PTPN9: variants seen among roughly 807,000 people sequenced by gnomAD.
PTPN9 encodes tyrosine-protein phosphatase non-receptor type 9.
A neutral mutation model predicts 69.8 loss-of-function variants in PTPN9; 26 were observed. The ratio of observed to expected loss-of-function variants is 0.37; its 90% CI spans 0.27 to 0.52. PTPN9 has a LOEUF of 0.52. PTPN9 is among the 20% of genes least tolerant of loss of function. PTPN9 has a pLI of 0.91. For missense variants in PTPN9, 549 were observed against 740.3 expected, an observed-to-expected ratio of 0.74 and a Z score of 3.00; for synonymous variants, 274 against 272.5, an observed-to-expected ratio of 1.01 and a Z score of -0.05.
At chr15:75,514,100 CAAAA>C (rs71140167) in intron 5 of PTPN9, among the ~76,000 whole-genome samples, 3 of 114,920 alleles carry the variant, frequency 2.6e-5, no homozygotes, top group Admixed American at 1.0e-4. Flanking sequence ...CACTCTGTCT[CAAAA>C]AAAAAAAAAA....
chr15:75,561,942 A>G (rs189100555), intron 1 of PTPN9, among the ~76,000 whole-genome samples: 34 of 152,244 alleles, frequency 2.2e-4, no homozygotes, highest in Non-Finnish European at 3.8e-4. Context: ...TCCCAACCTC[A>G]GGTAATCCAC....
Position 75,490,220 on chromosome 15 carries a change from A to G in PTPN9, c.1050T>C (p.Ser350=). The G allele has an allele frequency of 6.2e-7, 1 of 1,610,558 alleles. No homozygotes were observed. Among genetic ancestry groups the G allele is most frequent in the East Asian group, 2.2e-5 (1 of 44,858 alleles). Reference sequence around the variant, plus strand: ...TTTATCTGTCTACCTGAGTATGGCCACTTCGCTTTGTTAGCTTCACTCTAG... The same window carrying G: ...TTTATCTGTCTACCTGAGTATGGCCGCTTCGCTTTGTTAGCTTCACTCTAG... ...DQTRVKLTKR[S]GHTQTDYINA... The change falls in exon 8 of 13, where the codon AGT becomes AGC. Residue 350 remains serine, a synonymous_variant. Transcript: ENST00000618819.
intron 1 of PTPN9, among the ~76,000 whole-genome samples, chr15:75,570,568 G>A (rs576537166): frequency 2.0e-5 from 3 of 152,146 alleles, no homozygotes; most frequent in Admixed American, 6.6e-5. Flanking sequence ...TTAGGAGTTC[G>A]TGACCAGCCT....
chr15:75,489,036 G>A (rs1013262049), intron 8 of PTPN9, among the ~76,000 whole-genome samples: 19 of 151,818 alleles, frequency 1.3e-4, no homozygotes, highest in African/African-American at 1.9e-4. Flanking sequence ...TTAGCCGGGC[G>A]TGGTGGTGGG....
At chr15:75,505,258 A>G (rs1459049597) in intron 7 of PTPN9, among the ~76,000 whole-genome samples, 1 of 149,196 alleles carries the variant, frequency 6.7e-6, no homozygotes, top group Non-Finnish European at 1.5e-5. Flanking sequence ...GCTTGAAGGC[A>G]GCATGCTCGT....
intron 1 of PTPN9, among the ~76,000 whole-genome samples, chr15:75,531,707 C>T (rs541005827): frequency 1.1e-4 from 16 of 152,048 alleles, no homozygotes; most frequent in Admixed American, 3.3e-4. Flanking sequence ...TTCAGGCTCC[C>T]GCCACCACAC....
At chr15:75,517,052 C>A (rs2074874154) in intron 5 of PTPN9, among the ~76,000 whole-genome samples, 1 of 152,110 alleles carries the variant, frequency 6.6e-6, no homozygotes, top group Non-Finnish European at 1.5e-5. Flanking sequence ...CGTTCCTGTG[C>A]ATTTTTTACC....
At chr15:75,531,064 T>C (rs1456856262) in intron 1 of PTPN9, among the ~76,000 whole-genome samples, 2 of 149,806 alleles carry the variant, frequency 1.3e-5, no homozygotes, top group Admixed American at 6.9e-5. Flanking sequence ...ACACACTATT[T>C]AAACAACTGG....
Position 75,548,704 on chromosome 15 carries a change from A to G in PTPN9, c.64-21443T>C, listed in dbSNP as rs1238541387. ...AGTCTTGCTCTGTCACCCAGGCTGG[A>G]GTGCAGGGGCGCGATCTTGGCTCAC... On this transcript the variant is annotated intron_variant, in intron 1 of 12. Transcript: ENST00000618819. 4.1e-4 allele frequency among the ~76,000 whole-genome samples: 56 copies of G among 136,568 alleles called. 1 individual carries two copies. Among genetic ancestry groups the G allele is most frequent in the African/African-American group, 1.5e-3 (54 of 34,960 alleles). The allele number at this position is 136,568 out of a possible 152,430, so 89.6% of individuals were successfully genotyped here. A position where few individuals can be genotyped will look rare whatever the true frequency, so the allele number is the denominator to read the frequency against.
intron 7 of PTPN9, among the ~76,000 whole-genome samples, chr15:75,504,864 C>T (rs1263626828): frequency 2.0e-5 from 3 of 150,512 alleles, no homozygotes; most frequent in African/African-American, 4.9e-5. Flanking sequence ...GTCTGGCCAG[C>T]CACCCCGTCC....
At chr15:75,578,599 G>A in intron 1 of PTPN9, 115 bp downstream of exon 1, 1 of 891,722 alleles carries the variant, frequency 1.1e-6, no homozygotes, top group Non-Finnish European at 1.5e-6. Context: ...AGCCGGGCAC[G>A]GGAGCGGGGG....
Position 75,469,786 on chromosome 15 carries a change from C to T in PTPN9, c.1567+6G>A, listed in dbSNP as rs1372253065. 18 of 1,612,184 alleles carry T rather than the reference C, an allele frequency of 1.1e-5. No homozygotes were observed. The highest frequency in any genetic ancestry group is 6.7e-5 in the East Asian group (3 of 44,886). On this transcript the variant is annotated splice_donor_region_variant and intron_variant, in intron 12 of 12. Coordinates refer to ENST00000618819, the MANE Select transcript of PTPN9 (RefSeq NM_002833.4). ...CAGACACCAAGAGCTGCATTAGGTG[C>T]GTTACCTGTCCTGCCAATGCCTGCA... is the stretch of plus-strand genomic sequence containing the variant.
At chr15:75,505,033 G>A in intron 7 of PTPN9, among the ~76,000 whole-genome samples, 1 of 152,224 alleles carries the variant, frequency 6.6e-6, no homozygotes. Context: ...GGAAAGGTGG[G>A]GAAAAGATTG....
chr15:75,560,536 G>GA (rs1388213348), intron 1 of PTPN9, among the ~76,000 whole-genome samples: 2 of 151,920 alleles, frequency 1.3e-5, no homozygotes, highest in East Asian at 1.9e-4. Context: ...ATGATTCCAA[G>GA]AAAAAAATCA....
chr15:75,554,448 C>A (rs190387381), intron 1 of PTPN9, among the ~76,000 whole-genome samples: 1 of 152,014 alleles, frequency 6.6e-6, no homozygotes, highest in African/African-American at 2.4e-5. Context: ...CCCGCCTCAG[C>A]CTTCCCAAGT....
chr15:75,554,394 A>G (rs560556292), intron 1 of PTPN9, among the ~76,000 whole-genome samples: 7 of 151,974 alleles, frequency 4.6e-5, no homozygotes, highest in Admixed American at 1.3e-4. Context: ...GGGTTTCTCC[A>G]TGTTGGTCAG....
At chr15:75,474,002 G>A (rs2074582951) in intron 9 of PTPN9, among the ~76,000 whole-genome samples, 1 of 152,014 alleles carries the variant, frequency 6.6e-6, no homozygotes, top group Non-Finnish European at 1.5e-5. Context: ...GTGAGTCGTA[G>A]GTAGGTTTGG....
At chr15:75,561,856 T>G (rs1007943742) in intron 1 of PTPN9, among the ~76,000 whole-genome samples, 8 of 152,218 alleles carry the variant, frequency 5.3e-5, no homozygotes, top group Non-Finnish European at 8.8e-5. Context: ...ATTACAGGCA[T>G]GTGCCACCAT....
intron 1 of PTPN9, among the ~76,000 whole-genome samples, chr15:75,564,508 A>G (rs879308058): frequency 5.9e-5 from 9 of 151,614 alleles, no homozygotes; most frequent in Non-Finnish European, 1.2e-4. Context: ...AGGCAGGAGA[A>G]TGGCGTGAAC....
Sources: allele counts gnomAD v4.1 joint callset (sites outside exome capture counted in the v4.1 genomes callset), GRCh38; gene constraint gnomAD v4.1.1; transcripts MANE v1.5; gene names NCBI Gene and HGNC (gene_info 2026-07-23, HGNC 2026-07-21).